LPP: variants seen among roughly 807,000 people sequenced by gnomAD.
The protein encoded by LPP is lipoma-preferred partner.
A neutral mutation model predicts 60.4 loss-of-function variants in LPP; 38 were observed. That is an observed-to-expected ratio of 0.63 (90% CI 0.49 to 0.83). LPP has a LOEUF of 0.83. LPP is among the 40% of genes least tolerant of loss of function. The probability of loss-of-function intolerance (pLI) is 0.00; values close to 1 mark genes in which losing one functional copy is unlikely to be tolerated. For missense variants in LPP, 902 were observed against 783.6 expected (o/e 1.15, Z -1.80); for synonymous variants, 328 against 290.8 (o/e 1.13, Z -1.30).
chr3:188,545,903 A>G (rs1826521735), intron 6 of LPP, among the ~76,000 whole-genome samples: 2 of 152,142 alleles, frequency 1.3e-5, no homozygotes, highest in Non-Finnish European at 2.9e-5. Flanking sequence ...AAGGCTCCAG[A>G]CAAGTTTGTG....
intron 8 of LPP, among the ~76,000 whole-genome samples, chr3:188,731,223 A>C (rs900413789): frequency 6.6e-6 from 1 of 152,110 alleles, no homozygotes; most frequent in Admixed American, 6.5e-5. Context: ...CGGGGACCTA[A>C]ATAAGTCTAT....
chr3:188,533,851 A>G (rs894435066), intron 6 of LPP, among the ~76,000 whole-genome samples: 1 of 152,202 alleles, frequency 6.6e-6, no homozygotes, highest in Non-Finnish European at 1.5e-5. Flanking sequence ...TATGACAGGC[A>G]ATTAATTTTT....
chr3:188,814,741 G>T (rs769152888), intron 9 of LPP, among the ~76,000 whole-genome samples: 6 of 152,184 alleles, frequency 3.9e-5, no homozygotes, highest in Non-Finnish European at 5.9e-5. Context: ...AGACTTTTCT[G>T]CTAGCTCTTA....
At chr3:188,418,882 G>A (rs1217698468) in intron 4 of LPP, among the ~76,000 whole-genome samples, 4 of 151,886 alleles carry the variant, frequency 2.6e-5, no homozygotes, top group African/African-American at 9.7e-5. Context: ...AGATATCAGG[G>A]GTAGTTTTAT....
chr3:188,718,360 CA>C (rs1714944043), intron 8 of LPP, among the ~76,000 whole-genome samples: 1 of 152,182 alleles, frequency 6.6e-6, no homozygotes, highest in Admixed American at 6.5e-5. Flanking sequence ...AAGGTGCAGA[CA>C]TAGGTCGGGC....
At chr3:188,860,710 G>C (rs1397270140) in intron 9 of LPP, among the ~76,000 whole-genome samples, 2 of 152,074 alleles carry the variant, frequency 1.3e-5, no homozygotes, top group Non-Finnish European at 2.9e-5. Context: ...ACTGATATTT[G>C]TGGAGCATTA....
At chr3:188,639,231 T>C (rs1343539878) in intron 7 of LPP, among the ~76,000 whole-genome samples, 2 of 152,030 alleles carry the variant, frequency 1.3e-5, no homozygotes, top group Non-Finnish European at 2.9e-5. Context: ...AACCATCTGA[T>C]CTTTGACAAA....
chr3:188,732,112 T>G (rs1282591485), intron 8 of LPP, among the ~76,000 whole-genome samples: 3 of 152,194 alleles, frequency 2.0e-5, no homozygotes, highest in Admixed American at 6.5e-5. Context: ...CAGTAGAAAC[T>G]TTCATGGAAT....
intron 3 of LPP, among the ~76,000 whole-genome samples, chr3:188,393,642 T>C (rs1173926953): frequency 2.0e-5 from 3 of 152,196 alleles, no homozygotes; most frequent in Non-Finnish European, 4.4e-5. Flanking sequence ...ATCCTAATTA[T>C]ACAGAGCCTT....
At chr3:188,521,334 A>G (rs1458083298) in intron 5 of LPP, among the ~76,000 whole-genome samples, 1 of 152,094 alleles carries the variant, frequency 6.6e-6, no homozygotes, top group African/African-American at 2.4e-5. Context: ...GACCCTGGAA[A>G]CTAATTGATG....
At chr3:188,628,838 T>C (rs1050417407) in intron 7 of LPP, among the ~76,000 whole-genome samples, 13 of 152,212 alleles carry the variant, frequency 8.5e-5, no homozygotes, top group African/African-American at 2.6e-4. Context: ...TTGATGAACA[T>C]AGACACAAAA....
At chr3:188,546,594 G>C (rs1003236525) in intron 6 of LPP, among the ~76,000 whole-genome samples, 4 of 152,090 alleles carry the variant, frequency 2.6e-5, no homozygotes, top group Admixed American at 6.6e-5. Flanking sequence ...GGGAGTCTAC[G>C]GAATCTAGGG....
At chr3:188,754,903 T>C (rs1729636017) in intron 8 of LPP, among the ~76,000 whole-genome samples, 1 of 152,188 alleles carries the variant, frequency 6.6e-6, no homozygotes, top group Non-Finnish European at 1.5e-5. Flanking sequence ...GGGCCTTCAG[T>C]GGAAGATAAT....
At chr3:188,262,760 A>C (rs899769874) in intron 2 of LPP, among the ~76,000 whole-genome samples, 1 of 151,230 alleles carries the variant, frequency 6.6e-6, no homozygotes, top group African/African-American at 2.4e-5. Context: ...AAAAAAAATC[A>C]CTCGAGTTAA....
intron 6 of LPP, among the ~76,000 whole-genome samples, chr3:188,526,110 T>A (rs1820507954): frequency 6.6e-6 from 1 of 152,220 alleles, no homozygotes; most frequent in African/African-American, 2.4e-5. Flanking sequence ...GCTGTTTGAC[T>A]CTTGCGTGAC....
chr3:188,191,112 C>A (rs1728048838), intron 1 of LPP, among the ~76,000 whole-genome samples: 1 of 152,180 alleles, frequency 6.6e-6, no homozygotes, highest in African/African-American at 2.4e-5. Context: ...TGCCTGTAAT[C>A]CCAGCCACTT....
chr3:188,218,547 C>T (rs1279239501), intron 1 of LPP, among the ~76,000 whole-genome samples: 1 of 152,188 alleles, frequency 6.6e-6, no homozygotes, highest in East Asian at 1.9e-4. Flanking sequence ...TCTGTAGTTA[C>T]CAGGTTTTCA....
At chr3:188,531,387 G>A (rs1822137908) in intron 6 of LPP, among the ~76,000 whole-genome samples, 1 of 151,842 alleles carries the variant, frequency 6.6e-6, no homozygotes, top group Non-Finnish European at 1.5e-5. Context: ...ACTGAATTCT[G>A]TGGAATTTCC....
intron 2 of LPP, among the ~76,000 whole-genome samples, chr3:188,236,659 C>T (rs1205927445): frequency 6.6e-6 from 1 of 152,202 alleles, no homozygotes. Flanking sequence ...TTTATGTTTA[C>T]ACTATACTGT....
Sources: allele counts gnomAD v4.1 joint callset (sites outside exome capture counted in the v4.1 genomes callset), GRCh38; gene constraint gnomAD v4.1.1; transcripts MANE v1.5; gene names NCBI Gene and HGNC (gene_info 2026-07-23, HGNC 2026-07-21).